SLCO1B3: variants seen among roughly 807,000 people sequenced by gnomAD.
SLCO1B3 encodes liver-specific organic anion transporter 2.
A neutral mutation model predicts 71.8 loss-of-function variants in SLCO1B3; 72 were observed. That is an observed-to-expected ratio of 1.00 (90% CI 0.83 to 1.22). SLCO1B3 has a LOEUF of 1.22. Ranked by LOEUF, SLCO1B3 falls within the 50% of genes most tolerant of loss-of-function variation. The probability of loss-of-function intolerance (pLI) is 0.00; values close to 1 mark genes in which losing one functional copy is unlikely to be tolerated. For missense variants in SLCO1B3, 911 were observed against 819.7 expected (o/e 1.11, Z -1.36); for synonymous variants, 298 against 278.4 (o/e 1.07, Z -0.70).
chr12:20,826,597 C>T (rs910221024), intron 3 of SLCO1B3, among the ~76,000 whole-genome samples: 1 of 151,150 alleles, frequency 6.6e-6, no homozygotes, highest in Non-Finnish European at 1.5e-5. Context: ...AACCTTATTA[C>T]AATTTATACA....
intron 11 of SLCO1B3, among the ~76,000 whole-genome samples, 159 bp from the exon 12 acceptor site, chr12:20,880,696 T>C (rs1235021705): frequency 6.6e-6 from 1 of 152,158 alleles, no homozygotes; most frequent in African/African-American, 2.4e-5. Flanking sequence ...AATTTCTCTA[T>C]CTAATTAAAG....
rs752019947 is a variant in SLCO1B3 at position 20,901,428 on chromosome 12, CACAA to C, written c.1827_1830del (p.Gln610GlyfsTer20). 1.2e-5 allele frequency: 19 copies of C among 1,576,474 alleles called. No individual in the cohort carries two copies. Among genetic ancestry groups the C allele is most frequent in the Admixed American group, 9.9e-5 (5 of 50,718 alleles). The stretch of plus-strand genomic sequence containing the variant: ...AAGTGGTCCACCAACAGCTGTGGAG[CACAA>C]GGGGCTTGTAGGATATATAATTCCG... On this transcript the variant is annotated frameshift_variant, in exon 15 of 16. Coordinates refer to ENST00000381545, the MANE Select transcript of SLCO1B3 (RefSeq NM_019844.4). LOFTEE classifies it high-confidence loss of function.
Position 20,915,158 on chromosome 12 carries a change from A to G in SLCO1B3, c.1866-846A>G, listed in dbSNP as rs913316191. ...TATAAACACTTGTGTAGTCCTTCCAATGTTCTTGGTTATTCTGTTTTTTCT... is the reference window on the plus strand; with the variant it reads ...TATAAACACTTGTGTAGTCCTTCCAGTGTTCTTGGTTATTCTGTTTTTTCT... On this transcript the variant is annotated intron_variant, in intron 15 of 15. Transcript: ENST00000381545. Among the ~76,000 whole-genome samples, 12 of 151,314 alleles carry G rather than the reference A, an allele frequency of 7.9e-5. 1 individual carries two copies. The highest frequency in any genetic ancestry group is 6.9e-3 in the Middle Eastern group (2 of 288).
intron 15 of SLCO1B3, among the ~76,000 whole-genome samples, chr12:20,914,683 T>A (rs1191625081): frequency 7.9e-5 from 12 of 152,182 alleles, no homozygotes; most frequent in Non-Finnish European, 1.5e-4. Flanking sequence ...TTAAGATTTC[T>A]TGCAAGGAGA....
At chr12:20,877,676 A>T in intron 9 of SLCO1B3, 96 bp from the exon 10 acceptor site, 1 of 488,714 alleles carries the variant, frequency 2.0e-6, no homozygotes, top group Non-Finnish European at 3.1e-6. Flanking sequence ...CTCACAAATC[A>T]TTTGTAACTT....
intron 3 of SLCO1B3, among the ~76,000 whole-genome samples, chr12:20,840,291 G>A (rs182266107): frequency 6.6e-6 from 1 of 152,220 alleles, no homozygotes; most frequent in Admixed American, 6.5e-5. Context: ...TGTTGGTAAG[G>A]CACAGTCCGG....
intron 11 of SLCO1B3, 101 bp from the exon 12 acceptor site, chr12:20,880,743 TTCTCTTCCTCC>T: frequency 1.6e-6 from 1 of 617,376 alleles, no homozygotes; most frequent in Non-Finnish European, 2.6e-6. Context: ...TCTTTTCCTC[TTCTCTTCCTCC>T]TCCTCTATTT....
intron 13 of SLCO1B3, among the ~76,000 whole-genome samples, chr12:20,886,416 C>T (rs988137646): frequency 6.6e-6 from 1 of 151,902 alleles, no homozygotes; most frequent in Non-Finnish European, 1.5e-5. Context: ...AAACTACATC[C>T]TAGGAACAAC....
chr12:20,827,376 G>T (rs979992643), intron 3 of SLCO1B3, among the ~76,000 whole-genome samples: 2 of 152,080 alleles, frequency 1.3e-5, no homozygotes, highest in Non-Finnish European at 2.9e-5. Context: ...TCTGTCTTCT[G>T]TTTTTCTGAT....
At chr12:20,914,348 A>G (rs1333534900) in intron 15 of SLCO1B3, among the ~76,000 whole-genome samples, 1 of 152,090 alleles carries the variant, frequency 6.6e-6, no homozygotes, top group Non-Finnish European at 1.5e-5. Flanking sequence ...ATCCAAGTTT[A>G]TATTTTAGTA....
At chr12:20,816,960 A>G (rs925333224) in intron 3 of SLCO1B3, among the ~76,000 whole-genome samples, 1 of 152,188 alleles carries the variant, frequency 6.6e-6, no homozygotes, top group African/African-American at 2.4e-5. Flanking sequence ...ACTGATGTTG[A>G]GCACTTCTTC....
intron 3 of SLCO1B3, among the ~76,000 whole-genome samples, chr12:20,818,915 C>T (rs1370430368): frequency 3.3e-5 from 5 of 152,182 alleles, no homozygotes; most frequent in Non-Finnish European, 5.9e-5. Flanking sequence ...GGGCCAGGAA[C>T]AATGGTAATT....
chr12:20,888,259 T>C (rs1459351568), intron 13 of SLCO1B3, among the ~76,000 whole-genome samples: 2 of 151,878 alleles, frequency 1.3e-5, no homozygotes, highest in East Asian at 3.9e-4. Context: ...TCATAAAAAT[T>C]GTGTTGAATC....
intron 3 of SLCO1B3, among the ~76,000 whole-genome samples, chr12:20,833,733 GTAATT>G (rs558844299): frequency 9.1e-6 from 1 of 109,360 alleles, no homozygotes; most frequent in South Asian, 3.8e-4. Flanking sequence ...ATTTACATAT[GTAATT>G]TATTTATGTA....
In SLCO1B3 at chr12:20,847,230, TAGCTAAAATAAAAATTTATAAGAAAAG is replaced by T. The variant is rs1378788773; in HGVS notation, c.85-7795_85-7769del. 6.7e-5 allele frequency among the ~76,000 whole-genome samples: 10 copies of T among 149,202 alleles called. No individual in the cohort carries two copies. The East Asian group carries it at 2.0e-3, about 30-fold the overall frequency. ...AAAGGTGGAAGAATTAAAAAAAAAA[TAGCTAAAATAAAAATTTATAAGAAAAG>T]AGTTATGGACTGAATATTTGTGCCT... On this transcript the variant is annotated intron_variant, in intron 3 of 15. Transcript: ENST00000381545.
At chr12:20,900,758 G>T (rs1866113927) in intron 14 of SLCO1B3, among the ~76,000 whole-genome samples, 1 of 152,182 alleles carries the variant, frequency 6.6e-6, no homozygotes, top group Non-Finnish European at 1.5e-5. Flanking sequence ...AAGAAAGAGA[G>T]AATTGGGCTC....
intron 5 of SLCO1B3, among the ~76,000 whole-genome samples, chr12:20,859,953 C>CTTTT (rs768328762): frequency 1.3e-3 from 150 of 117,940 alleles, no homozygotes; most frequent in African/African-American, 1.6e-3. Flanking sequence ...CTGATCATTT[C>CTTTT]TTTTTTTTTT....
chr12:20,816,249 T>C (rs1864190065), intron 3 of SLCO1B3, among the ~76,000 whole-genome samples: 1 of 152,204 alleles, frequency 6.6e-6, no homozygotes, highest in African/African-American at 2.4e-5. Context: ...AGTTAAGTAA[T>C]TGACTATAGT....
chr12:20,829,593 G>A (rs1315896106), intron 3 of SLCO1B3, among the ~76,000 whole-genome samples: 1 of 152,198 alleles, frequency 6.6e-6, no homozygotes, highest in African/African-American at 2.4e-5. Flanking sequence ...TTTGTTACAG[G>A]AAAGGGGTCC....
Sources: gnomAD v4.1 joint callset for allele counts (sites outside exome capture counted in the v4.1 genomes callset) on GRCh38, gnomAD v4.1.1 for gene constraint, MANE v1.5 for transcripts, NCBI Gene and HGNC (gene_info 2026-07-23, HGNC 2026-07-21) for gene names.